The following SPATS2 variants were observed in gnomAD, a reference collection of about 807,000 sequenced individuals.
SPATS2 encodes the protein spermatogenesis-associated serine-rich protein 2.
SPATS2 carries 38 observed loss-of-function variants against 63.7 expected under a neutral mutation model. That is an observed-to-expected ratio of 0.60 (90% confidence interval 0.46 to 0.78). SPATS2 has a LOEUF of 0.78. Among genes scored for constraint, SPATS2 ranks in the 30% least tolerant of loss-of-function variants. SPATS2 has a pLI of 0.00. For missense variants in SPATS2, 588 were observed against 666.2 expected (o/e 0.88, Z 1.29); for synonymous variants, 207 against 232.9 (o/e 0.89, Z 1.01).
At chr12:49,512,864 A>G (rs776367181) in intron 9 of SPATS2, 2 of 1,288,678 alleles carry the variant, frequency 1.6e-6, no homozygotes, top group African/African-American at 1.5e-5. Flanking sequence ...TCTTTTAGGT[A>G]TTCCAATGCT....
intron 4 of SPATS2, chr12:49,486,250 G>C (rs1303444009): frequency 4.4e-6 from 2 of 452,436 alleles, no homozygotes; most frequent in East Asian, 1.4e-4. Flanking sequence ...TGTCGTCCAG[G>C]CTGGAGTGCA....
At chr12:49,473,703 A>C (rs1946076295) in intron 3 of SPATS2, among the ~76,000 whole-genome samples, 1 of 152,244 alleles carries the variant, frequency 6.6e-6, no homozygotes, top group Non-Finnish European at 1.5e-5. Flanking sequence ...ACCGTGAAAT[A>C]TTATTCAGCA....
intron 2 of SPATS2, among the ~76,000 whole-genome samples, chr12:49,405,668 T>G (rs946301725): frequency 6.6e-6 from 1 of 151,152 alleles, no homozygotes; most frequent in Non-Finnish European, 1.5e-5. Context: ...TGAGCCGAGA[T>G]CACACCACTT....
intron 2 of SPATS2, among the ~76,000 whole-genome samples, chr12:49,379,132 G>C (rs1416145240): frequency 6.6e-6 from 1 of 151,052 alleles, no homozygotes; most frequent in Non-Finnish European, 1.5e-5. Context: ...ATGTTGGTCA[G>C]GCTGGTCTTG....
At chr12:49,436,782 G>C (rs1217113756) in intron 2 of SPATS2, among the ~76,000 whole-genome samples, 1 of 143,948 alleles carries the variant, frequency 6.9e-6, no homozygotes, top group Non-Finnish European at 1.5e-5. Context: ...CGGGCAGAGG[G>C]GCTCCTCACT....
chr12:49,437,229 C>CG (rs1268759938), intron 2 of SPATS2, among the ~76,000 whole-genome samples: 1 of 150,802 alleles, frequency 6.6e-6, no homozygotes, highest in East Asian at 2.0e-4. Context: ...ACATCCCAGA[C>CG]GGGGCGGCAG....
intron 3 of SPATS2, among the ~76,000 whole-genome samples, chr12:49,473,271 C>G (rs1295049978): frequency 6.6e-6 from 1 of 152,026 alleles, no homozygotes; most frequent in Non-Finnish European, 1.5e-5. Context: ...AAAAAATTAG[C>G]TGGACGTGGT....
chr12:49,522,391 A>G (rs999484860), intron 11 of SPATS2, among the ~76,000 whole-genome samples: 3 of 152,232 alleles, frequency 2.0e-5, no homozygotes, highest in African/African-American at 7.2e-5. Context: ...CCTTGTAAAG[A>G]TTTTTGCTGC....
At chr12:49,472,613 A>T (rs181825563) in intron 3 of SPATS2, among the ~76,000 whole-genome samples, 26 of 146,006 alleles carry the variant, frequency 1.8e-4, no homozygotes, top group African/African-American at 3.2e-4. Context: ...TATATATTTT[A>T]TATATATATA....
chr12:49,524,750 A>T lies in SPATS2; in HGVS notation c.1180A>T (p.Ser394Cys). Reference sequence around the variant, plus strand: ...CTCAGTTACATCTGTGTCCTTGAGTAGCCCAAGTGATGCCTCTGCTGCTTC... The same window carrying T: ...CTCAGTTACATCTGTGTCCTTGAGTTGCCCAAGTGATGCCTCTGCTGCTTC... ...CSSVTSVSLS[S>C]PSDASAASSS... is the part of the protein sequence containing the mutation. Residue 394 changes from serine to cysteine, a missense_variant, in exon 13 of 14, where the codon AGC (serine) becomes TGC (cysteine). Physicochemically the swap from Ser to Cys is moderately radical, Grantham distance 112 (BLOSUM62 -1). Transcript: ENST00000552918. 6.2e-7 allele frequency: 1 copy of T among 1,614,186 alleles called. No individual in the cohort carries two copies. The highest frequency in any genetic ancestry group is 8.5e-7 in the Non-Finnish European group (1 of 1,180,038).
intron 5 of SPATS2, chr12:49,490,097 C>T (rs895431257): frequency 6.5e-6 from 1 of 153,058 alleles, no homozygotes; most frequent in Non-Finnish European, 1.5e-5. Context: ...AACCTTCCTT[C>T]CATGTAACCT....
intron 3 of SPATS2, among the ~76,000 whole-genome samples, chr12:49,481,458 ATTTTTTTTTTTTTTTT>A (rs1013711085): frequency 1.0e-5 from 1 of 97,798 alleles, no homozygotes; most frequent in African/African-American, 5.1e-5. Context: ...AGGCTTCCTC[ATTTTTTTTTTTTTTTT>A]TTTTTTTTTT....
chr12:49,381,289 C>T (rs1490856886), intron 2 of SPATS2, among the ~76,000 whole-genome samples: 1 of 152,180 alleles, frequency 6.6e-6, no homozygotes, highest in Non-Finnish European at 1.5e-5. Context: ...TAAAACACTC[C>T]ATGAGTACAT....
chr12:49,433,749 C>A (rs1945226460), intron 2 of SPATS2, among the ~76,000 whole-genome samples: 2 of 152,100 alleles, frequency 1.3e-5, no homozygotes, highest in South Asian at 4.1e-4. Flanking sequence ...TCATTGGTTG[C>A]CTTTTTACTT....
chr12:49,390,084 C>A, intron 2 of SPATS2: 2 of 1,300,172 alleles, frequency 1.5e-6, no homozygotes, highest in Non-Finnish European at 2.2e-6. Context: ...CACTTTTGAA[C>A]CTAAGGAAAG....
intron 8 of SPATS2, among the ~76,000 whole-genome samples, chr12:49,497,225 G>A (rs941054998): frequency 6.6e-6 from 1 of 152,038 alleles, no homozygotes; most frequent in Non-Finnish European, 1.5e-5. Context: ...ATCTACTTAC[G>A]ACGGCACGTT....
At chr12:49,439,796 A>T (rs1298526728) in intron 2 of SPATS2, among the ~76,000 whole-genome samples, 1 of 152,094 alleles carries the variant, frequency 6.6e-6, no homozygotes, top group Non-Finnish European at 1.5e-5. Context: ...TCTTTTTCTT[A>T]CTACTGCCAG....
At chr12:49,418,648 C>G (rs1251113157) in intron 2 of SPATS2, among the ~76,000 whole-genome samples, 1 of 151,900 alleles carries the variant, frequency 6.6e-6, no homozygotes, top group African/African-American at 2.4e-5. Flanking sequence ...ACTATGTTGC[C>G]CAGGCTGGTC....
At chr12:49,496,754 C>T (rs1946470395) in intron 7 of SPATS2, 79 bp from the exon 8 acceptor site, 1 of 1,442,270 alleles carries the variant, frequency 6.9e-7, no homozygotes, top group South Asian at 1.3e-5. Flanking sequence ...AACATTTTTA[C>T]CTGTTTTCTT....
Sources: gnomAD v4.1 joint callset for allele counts (sites outside exome capture counted in the v4.1 genomes callset) on GRCh38, gnomAD v4.1.1 for gene constraint, MANE v1.5 for transcripts, NCBI Gene and HGNC (gene_info 2026-07-23, HGNC 2026-07-21) for gene names.